OGFOD1: variants seen among roughly 807,000 people sequenced by gnomAD.
OGFOD1 encodes the protein prolyl 3-hydroxylase OGFOD1.
A neutral mutation model predicts 67.7 loss-of-function variants in OGFOD1; 54 were observed. That is an observed-to-expected ratio of 0.80 (90% CI 0.64 to 1.00). OGFOD1 has a LOEUF of 1.00. OGFOD1 is among the 50% of genes least tolerant of loss of function. The pLI is 0.00. For missense variants in OGFOD1, 606 were observed against 646.7 expected, an observed-to-expected ratio of 0.94 and a Z score of 0.68; for synonymous variants, 221 against 227.0, an observed-to-expected ratio of 0.97 and a Z score of 0.24.
intron 8 of OGFOD1, among the ~76,000 whole-genome samples, chr16:56,468,616 C>T (rs1403098437): frequency 6.6e-6 from 1 of 151,920 alleles, no homozygotes; most frequent in Non-Finnish European, 1.5e-5. Flanking sequence ...ATCCCAGCTA[C>T]TCAGGAGGCT....
At chr16:56,452,774 G>A (rs1222731221) in intron 1 of OGFOD1, among the ~76,000 whole-genome samples, 1 of 152,144 alleles carries the variant, frequency 6.6e-6, no homozygotes, top group African/African-American at 2.4e-5. Context: ...AAATGTTGGG[G>A]TAGAAATCAA....
At chr16:56,470,864 A>T in intron 10 of OGFOD1, 73 bp downstream of exon 10, 1 of 1,391,106 alleles carries the variant, frequency 7.2e-7, no homozygotes. Flanking sequence ...CATTCAACAA[A>T]CATTTATTGA....
Position 56,470,202 on chromosome 16 carries a change from A to G in OGFOD1, c.980+120A>G, listed in dbSNP as rs1963102859. On this transcript the variant is annotated intron_variant, in intron 9 of 12. Coordinates refer to ENST00000566157, the MANE Select transcript of OGFOD1 (RefSeq NM_018233.4). ...AGACTGAGGTGATGACAGGCAGTTC[A>G]TGAAAGAAAATCAAATAACCAACAG... The G allele has an allele frequency of 1.3e-5, 11 of 858,044 alleles. No individual in the cohort carries two copies. In the South Asian group the frequency reaches 1.5e-4, roughly 12 times the overall value. The allele number at this position is 858,044 out of a possible 1,614,324, so 53.2% of individuals were successfully genotyped here. A position where few individuals can be genotyped will look rare whatever the true frequency, so the allele number is the denominator to read the frequency against.
chr16:56,468,725 CAAAA>C (rs34973805), intron 8 of OGFOD1, among the ~76,000 whole-genome samples: 5 of 132,916 alleles, frequency 3.8e-5, no homozygotes, highest in African/African-American at 2.8e-5. Flanking sequence ...GACTCCGTCT[CAAAA>C]AAAAAAAAAA....
chr16:56,453,329 AC>A lies in OGFOD1; in HGVS notation c.222del (p.Phe75SerfsTer2), dbSNP rs771027355. 6.8e-6 allele frequency: 11 copies of A among 1,614,112 alleles called. No individual in the cohort carries two copies. Among genetic ancestry groups the A allele is most frequent in the Non-Finnish European group, 9.3e-6 (11 of 1,179,984 alleles). On this transcript the variant is annotated frameshift_variant, in exon 2 of 13. Transcript: ENST00000566157. LOFTEE classifies it high-confidence loss of function. ...CVIPNFIQSQ[D>X]FLEGLQKELM... Reference sequence around the variant, plus strand: ...ATCCCAAACTTCATCCAAAGCCAAGACTTCTTAGAAGGGCTTCAGAAGGAAC... The same window carrying A: ...ATCCCAAACTTCATCCAAAGCCAAGATTCTTAGAAGGGCTTCAGAAGGAAC...
At position 56,467,178 on chromosome 16, in the gene OGFOD1, T is replaced by C; in HGVS notation, c.671T>C (p.Leu224Pro). 2 of 1,614,186 alleles carry C rather than the reference T, an allele frequency of 1.2e-6. No homozygotes were observed. The highest frequency in any genetic ancestry group is 1.7e-6 in the Non-Finnish European group (2 of 1,180,026). ...PVSFHQVSEV[L>P]SEEKSRLSIS... ...TTCTCCTTTCAGGTGTCTGAAGTGC[T>C]GTCTGAAGAAAAGTCACGTTTGTCT... The change falls in exon 7 of 13, where the codon CTG becomes CCG. Residue 224 changes from leucine (L) to proline (P), a missense_variant. Leu to Pro is a moderately conservative substitution (Grantham distance 98). Transcript: ENST00000566157.
At chr16:56,469,071 ATACCC>A (rs1963031884) in intron 8 of OGFOD1, among the ~76,000 whole-genome samples, 1 of 152,230 alleles carries the variant, frequency 6.6e-6, no homozygotes, top group Non-Finnish European at 1.5e-5. Context: ...AATAAACTGA[ATACCC>A]TATTCAATTC....
At chr16:56,473,989 A>G (rs1476139189) in intron 10 of OGFOD1, among the ~76,000 whole-genome samples, 1 of 152,086 alleles carries the variant, frequency 6.6e-6, no homozygotes, top group Non-Finnish European at 1.5e-5. Context: ...TCGTATTTTT[A>G]GTAGAAACGG....
Position 56,476,307 on chromosome 16 carries a change from T to C in OGFOD1, c.*102T>C. On this transcript the variant is annotated 3_prime_UTR_variant, in exon 13 of 13. Coordinates refer to ENST00000566157, the MANE Select transcript of OGFOD1 (RefSeq NM_018233.4). Reference sequence around the variant, plus strand: ...AAGGAGAACTACATGGTAGCTTGCCTGACAGTGTTCTTAAAACTGGTTGTC... The same window carrying C: ...AAGGAGAACTACATGGTAGCTTGCCCGACAGTGTTCTTAAAACTGGTTGTC... 9.0e-7 allele frequency: 1 copy of C among 1,114,132 alleles called. No homozygotes were observed. Among genetic ancestry groups the C allele is most frequent in the Admixed American group, 2.6e-5 (1 of 38,738 alleles). 69.0% of individuals were successfully genotyped at this position (1,114,132 alleles called of 1,614,324 possible).
chr16:56,456,164 A>C (rs1301695219), intron 2 of OGFOD1, among the ~76,000 whole-genome samples: 1 of 152,098 alleles, frequency 6.6e-6, no homozygotes, highest in African/African-American at 2.4e-5. Context: ...TTGACCTACT[A>C]TATCACTCCT....
In OGFOD1 at chr16:56,478,039, G is replaced by T. The variant is rs1398140609; in HGVS notation, c.*1834G>T. Reference sequence around the variant, plus strand: ...AGTAATATTATTTCTATAACTTACTGTTATAAAACACTAATTTTTAAATGA... The same window carrying T: ...AGTAATATTATTTCTATAACTTACTTTTATAAAACACTAATTTTTAAATGA... On this transcript the variant is annotated 3_prime_UTR_variant, in exon 13 of 13. Transcript: ENST00000566157. 8.5e-5 allele frequency: 13 copies of T among 152,140 alleles called. No homozygotes were observed. The allele number at this position is 152,140 out of a possible 1,614,324, so 9.4% of individuals were successfully genotyped here. A position where few individuals can be genotyped will look rare whatever the true frequency, so the allele number is the denominator to read the frequency against.
At chr16:56,462,060 C>T (rs1383669409) in intron 3 of OGFOD1, among the ~76,000 whole-genome samples, 1 of 151,340 alleles carries the variant, frequency 6.6e-6, no homozygotes, top group Non-Finnish European at 1.5e-5. Flanking sequence ...ACTGCTGTAC[C>T]CCAACCTGGG....
chr16:56,456,775 A>C (rs764435917), intron 2 of OGFOD1, among the ~76,000 whole-genome samples: 45 of 152,246 alleles, frequency 3.0e-4, no homozygotes, highest in Non-Finnish European at 5.7e-4. Context: ...TGGCCTGTAA[A>C]CAATAGGCTA....
intron 12 of OGFOD1, 96 bp from the exon 13 acceptor site, chr16:56,475,948 G>A (rs1963451114): frequency 1.7e-6 from 2 of 1,143,548 alleles, no homozygotes; most frequent in South Asian, 3.1e-5. Context: ...CCCAGATTAA[G>A]TGCTTGATAT....
At chr16:56,457,488 T>C (rs2143976851) in intron 2 of OGFOD1, among the ~76,000 whole-genome samples, 1 of 152,372 alleles carries the variant, frequency 6.6e-6, no homozygotes, top group African/African-American at 2.4e-5. Context: ...CGCCCAACAT[T>C]GTGAATATAC....
Position 56,470,660 on chromosome 16 carries a change from C to A in OGFOD1, c.1154C>A (p.Thr385Asn). The change falls in exon 10 of 13, where the codon ACT becomes AAT. Residue 385 changes from threonine (T) to asparagine (N), a missense_variant. By Grantham distance (65) the Thr-to-Asn change is moderately conservative. Coordinates refer to ENST00000566157, the MANE Select transcript of OGFOD1 (RefSeq NM_018233.4). ...AATGATAAAAAAGAGGCAGAAACCA[C>A]TGATATCACTGAAGAAGGGACTAGC... is the stretch of plus-strand genomic sequence containing the variant. Reference protein sequence around the residue: ...EMNDKKEAETTDITEEGTSHS... With the variant: ...EMNDKKEAETNDITEEGTSHS... The A allele has an allele frequency of 6.2e-7, 1 of 1,614,204 alleles. No homozygotes were observed. Among genetic ancestry groups the A allele is most frequent in the Non-Finnish European group, 8.5e-7 (1 of 1,180,032 alleles).
chr16:56,463,118 C>CGTA lies in OGFOD1; in HGVS notation c.448+484_448+485insGTA, dbSNP rs1962771726. Reference sequence around the variant, plus strand: ...CTGCTCCCTCTTCTCTTCAGAGGTACCTATTGTCACCAGTTTGGGGTGCAT... The same window carrying CGTA: ...CTGCTCCCTCTTCTCTTCAGAGGTACGTACTATTGTCACCAGTTTGGGGTGCAT... On this transcript the variant is annotated intron_variant, in intron 4 of 12. Coordinates refer to ENST00000566157, the MANE Select transcript of OGFOD1 (RefSeq NM_018233.4). Among the ~76,000 whole-genome samples, 5 of 152,304 alleles carry CGTA rather than the reference C, an allele frequency of 3.3e-5. 1 individual carries two copies. The South Asian group carries it at 1.0e-3, about 32-fold the overall frequency.
At chr16:56,473,017 G>T (rs1342715251) in intron 10 of OGFOD1, among the ~76,000 whole-genome samples, 3 of 152,062 alleles carry the variant, frequency 2.0e-5, no homozygotes, top group African/African-American at 7.2e-5. Context: ...TGCTACCTCC[G>T]TCTTCCGGGT....
In OGFOD1 at chr16:56,474,957, G is replaced by A; in HGVS notation, c.1408+7G>A. ...CTGTACTGTGGCTGTGAAGGTAAGA[G>A]GGAGGAAAGCAAGCGGTGGATTATT... On this transcript the variant is annotated splice_region_variant and intron_variant, in intron 11 of 12. Coordinates refer to ENST00000566157, the MANE Select transcript of OGFOD1 (RefSeq NM_018233.4). The A allele has an allele frequency of 6.2e-7, 1 of 1,613,256 alleles. No homozygotes were observed. Among genetic ancestry groups the A allele is most frequent in the Non-Finnish European group, 8.5e-7 (1 of 1,179,586 alleles).
Sources: allele counts gnomAD v4.1 joint callset (sites outside exome capture counted in the v4.1 genomes callset), GRCh38; gene constraint gnomAD v4.1.1; transcripts MANE v1.5; gene names NCBI Gene and HGNC (gene_info 2026-07-23, HGNC 2026-07-21).